The following RNF150 variants were observed in gnomAD, a reference collection of about 807,000 sequenced individuals.
RNF150 encodes the protein ring finger protein 150.
RNF150 carries 24 observed loss-of-function variants against 39.3 expected under a neutral mutation model. The observed-to-expected ratio is 0.61, with a 90% CI of 0.44 to 0.86. The LOEUF (loss-of-function observed/expected upper bound fraction) is 0.86. Among genes scored for constraint, RNF150 ranks in the 40% least tolerant of loss-of-function variants. RNF150 has a pLI of 0.00. For missense variants in RNF150, 502 were observed against 587.8 expected, an observed-to-expected ratio of 0.85 and a Z score of 1.51; for synonymous variants, 255 against 227.3, an observed-to-expected ratio of 1.12 and a Z score of -1.10.
At chr4:141,007,864 A>C (rs1441333243) in intron 1 of RNF150, among the ~76,000 whole-genome samples, 1 of 152,224 alleles carries the variant, frequency 6.6e-6, no homozygotes, top group East Asian at 1.9e-4. Context: ...ACCAAACAGT[A>C]GGTATCCCTG....
chr4:140,976,903 C>T (rs1391042651), intron 1 of RNF150, among the ~76,000 whole-genome samples: 1 of 152,038 alleles, frequency 6.6e-6, no homozygotes, highest in African/African-American at 2.4e-5. Flanking sequence ...CAGTTGAACA[C>T]CTGCTATCAC....
chr4:140,916,586 G>A (rs149188849), intron 5 of RNF150, among the ~76,000 whole-genome samples: 54,846 of 149,782 alleles, frequency 0.37, 11,024 homozygotes, highest in Non-Finnish European at 0.46. Context: ...TGAAAGTGAC[G>A]GGGAGAATGG....
intron 1 of RNF150, among the ~76,000 whole-genome samples, chr4:141,085,686 G>T (rs959403289): frequency 6.6e-6 from 1 of 152,144 alleles, no homozygotes; most frequent in African/African-American, 2.4e-5. Context: ...GTTGTTTTAT[G>T]GCACTTAGGT....
intron 2 of RNF150, among the ~76,000 whole-genome samples, chr4:140,959,270 C>T (rs1732916678): frequency 6.6e-6 from 1 of 152,142 alleles, no homozygotes; most frequent in African/African-American, 2.4e-5. Flanking sequence ...ACCTTGACCC[C>T]CATCTAGCTG....
intron 1 of RNF150, among the ~76,000 whole-genome samples, chr4:141,064,062 T>G (rs1039248626): frequency 1.3e-5 from 2 of 151,978 alleles, no homozygotes; most frequent in African/African-American, 4.8e-5. Flanking sequence ...GGCCTCCTAG[T>G]TAAACCAAAG....
At chr4:140,904,226 T>G (rs1337059575) in intron 6 of RNF150, among the ~76,000 whole-genome samples, 1 of 152,192 alleles carries the variant, frequency 6.6e-6, no homozygotes, top group Non-Finnish European at 1.5e-5. Context: ...GTCACGGAAA[T>G]GATTGTCTGG....
intron 1 of RNF150, among the ~76,000 whole-genome samples, chr4:140,982,716 A>G (rs1435300784): frequency 6.6e-6 from 1 of 152,092 alleles, no homozygotes; most frequent in Non-Finnish European, 1.5e-5. Context: ...ATGAACTGAT[A>G]AGAAATTAAG....
intron 5 of RNF150, among the ~76,000 whole-genome samples, chr4:140,922,734 A>C (rs549010129): frequency 1.3e-5 from 2 of 152,142 alleles, no homozygotes; most frequent in African/African-American, 4.8e-5. Flanking sequence ...ACAAGGCTAC[A>C]GTAATCAAAA....
intron 1 of RNF150, among the ~76,000 whole-genome samples, chr4:140,979,690 G>A (rs1445753034): frequency 6.6e-6 from 1 of 151,952 alleles, no homozygotes; most frequent in Non-Finnish European, 1.5e-5. Flanking sequence ...TGAGCTTATG[G>A]ACAACTGAGA....
intron 1 of RNF150, among the ~76,000 whole-genome samples, chr4:141,011,483 C>T (rs2110748543): frequency 6.6e-6 from 1 of 152,268 alleles, no homozygotes; most frequent in South Asian, 2.1e-4. Flanking sequence ...TTGAGAAAAA[C>T]AAAAGGTATA....
intron 1 of RNF150, among the ~76,000 whole-genome samples, chr4:141,126,256 G>A (rs1358564072): frequency 6.6e-6 from 1 of 152,128 alleles, no homozygotes; most frequent in Non-Finnish European, 1.5e-5. Context: ...AAATATCTAA[G>A]TGATAGAGAA....
At chr4:140,930,740 C>G (rs1731595263) in intron 4 of RNF150, among the ~76,000 whole-genome samples, 2 of 152,170 alleles carry the variant, frequency 1.3e-5, no homozygotes, top group South Asian at 4.1e-4. Context: ...TTCTTGTTCT[C>G]TTCATCCCAC....
At position 140,904,423 on chromosome 4, in the gene RNF150, T is replaced by C. The variant is rs140893548; in HGVS notation, c.1198+6721A>G. ...CTTTCCAGGGCTAATGTGAATCTTA[T>C]AGGCACCAAGGGAGATCATTCTCCT... On this transcript the variant is annotated intron_variant, in intron 6 of 6. Transcript: ENST00000515673. Among the ~76,000 whole-genome samples, 955 of 152,314 alleles carry C rather than the reference T, an allele frequency of 6.3e-3. 9 individuals carry two copies. The highest frequency in any genetic ancestry group is 0.021 in the African/African-American group (884 of 41,566).
intron 1 of RNF150, among the ~76,000 whole-genome samples, chr4:141,025,987 G>A (rs1184777910): frequency 1.3e-5 from 2 of 152,156 alleles, no homozygotes; most frequent in African/African-American, 4.8e-5. Flanking sequence ...TAAGAAAAGA[G>A]AGAGTTTGCT....
intron 1 of RNF150, among the ~76,000 whole-genome samples, chr4:141,168,650 T>C (rs986972659): frequency 6.6e-6 from 1 of 152,186 alleles, no homozygotes; most frequent in Non-Finnish European, 1.5e-5. Context: ...TGCAGGTACA[T>C]GGATGAGGCT....
chr4:141,042,724 T>C (rs539767229), intron 1 of RNF150, among the ~76,000 whole-genome samples: 1 of 152,220 alleles, frequency 6.6e-6, no homozygotes, highest in Non-Finnish European at 1.5e-5. Flanking sequence ...CCTGGATAGA[T>C]ATTCTACTTC....
chr4:140,896,842 G>A (rs916913038), intron 6 of RNF150, among the ~76,000 whole-genome samples: 6 of 151,644 alleles, frequency 4.0e-5, no homozygotes, highest in Non-Finnish European at 8.8e-5. Context: ...CCGTGTGTAG[G>A]TCACACATCA....
chr4:140,981,954 T>C (rs893363047), intron 1 of RNF150, among the ~76,000 whole-genome samples: 2 of 152,212 alleles, frequency 1.3e-5, no homozygotes, highest in Non-Finnish European at 2.9e-5. Flanking sequence ...TATGAATGCA[T>C]GCTGCTCTAG....
At chr4:141,053,824 C>G in intron 1 of RNF150, 1 of 582,076 alleles carries the variant, frequency 1.7e-6, no homozygotes, top group Non-Finnish European at 2.6e-6. Context: ...TGCTCTCTCT[C>G]TTTCCAAAAG....
Sources: gnomAD v4.1 joint callset for allele counts (sites outside exome capture counted in the v4.1 genomes callset) on GRCh38, gnomAD v4.1.1 for gene constraint, MANE v1.5 for transcripts, NCBI Gene and HGNC (gene_info 2026-07-23, HGNC 2026-07-21) for gene names.